RBBP8: variants seen among roughly 807,000 people sequenced by gnomAD.
The protein encoded by RBBP8 is DNA endonuclease RBBP8.
RBBP8 carries 88 observed loss-of-function variants against 108.3 expected under a neutral mutation model. The observed-to-expected ratio is 0.81, with a 90% confidence interval of 0.68 to 0.97. The LOEUF (loss-of-function observed/expected upper bound fraction) is 0.97. RBBP8 is among the 50% of genes least tolerant of loss of function. The pLI is 0.00. For synonymous variants in RBBP8, 332 were observed against 348.2 expected, an observed-to-expected ratio of 0.95 and a Z score of 0.52; for missense variants, 1,023 against 1,049.0, an observed-to-expected ratio of 0.98 and a Z score of 0.34.
At chr18:22,941,944 A>C (rs1291002877) in intron 2 of RBBP8, among the ~76,000 whole-genome samples, 1 of 152,144 alleles carries the variant, frequency 6.6e-6, no homozygotes, top group Non-Finnish European at 1.5e-5. Context: ...TTTTAAGTAG[A>C]TATGTCATTT....
At chr18:23,019,098 C>T (rs1408119120) in intron 17 of RBBP8, among the ~76,000 whole-genome samples, 1 of 152,130 alleles carries the variant, frequency 6.6e-6, no homozygotes, top group Non-Finnish European at 1.5e-5. Flanking sequence ...AAGCAAAAGC[C>T]TATAATGTGA....
intron 3 of RBBP8, among the ~76,000 whole-genome samples, chr18:22,918,785 A>G (rs1358604054): frequency 3.3e-5 from 5 of 152,050 alleles, no homozygotes. Flanking sequence ...ATTTTTTTAA[A>G]AATTTTTTGT....
At position 23,017,464 on chromosome 18, in the gene RBBP8, T is replaced by C. The variant is rs543171498; in HGVS notation, c.2454+540T>C. ...GTAAGGAGATCTAGACCATCCTGGC[T>C]AACATGGTGAAACCCCGTCTCTACT... On this transcript the variant is annotated intron_variant, in intron 17 of 18. Coordinates refer to ENST00000327155, the MANE Select transcript of RBBP8 (RefSeq NM_002894.3). Among the ~76,000 whole-genome samples, 16 of 151,266 alleles carry C rather than the reference T, an allele frequency of 1.1e-4. No homozygotes were observed. The East Asian group carries it at 3.2e-3, about 30-fold the overall frequency.
At chr18:22,975,685 C>CCT (rs1336575628) in intron 6 of RBBP8, among the ~76,000 whole-genome samples, 1 of 151,740 alleles carries the variant, frequency 6.6e-6, no homozygotes, top group Non-Finnish European at 1.5e-5. Flanking sequence ...TGTGCCACTT[C>CCT]CTCTTGTGTT....
chr18:22,954,734 A>C (rs1242187925), intron 4 of RBBP8, among the ~76,000 whole-genome samples: 1 of 152,180 alleles, frequency 6.6e-6, no homozygotes, highest in African/African-American at 2.4e-5. Flanking sequence ...CCTCCCACAC[A>C]GTTCCACATG....
At chr18:22,933,287 T>A (rs893464362), upstream of RBBP8, 3 of 152,068 alleles carry the variant, frequency 2.0e-5, no homozygotes, top group African/African-American at 7.2e-5. Context: ...GCCGCCGCGA[T>A]GGGCAGCTGG....
chr18:22,936,159 T>A (rs185031525), intron 1 of RBBP8, among the ~76,000 whole-genome samples: 1 of 152,312 alleles, frequency 6.6e-6, no homozygotes, highest in African/African-American at 2.4e-5. Flanking sequence ...TGGAATGCAG[T>A]GGCACGATCT....
intron 17 of RBBP8, among the ~76,000 whole-genome samples, chr18:23,021,691 G>A (rs571123697): frequency 2.9e-4 from 44 of 152,130 alleles, no homozygotes; most frequent in Middle Eastern, 6.8e-3. Flanking sequence ...TGAAACACAC[G>A]TTATATTCAA....
At position 23,006,110 on chromosome 18, in the gene RBBP8, C is replaced by T. The variant is rs182454090; in HGVS notation, c.2288-253C>T. On this transcript the variant is annotated intron_variant, in intron 15 of 18. Coordinates refer to ENST00000327155, the MANE Select transcript of RBBP8 (RefSeq NM_002894.3). ...CTGAGGCAAGAGGATGGCGTGAACC[C>T]GGGAGGTGGAGCTTGCAGTGAGCAG... Among the ~76,000 whole-genome samples the T allele has an allele frequency of 4.5e-3, 679 of 151,688 alleles. 2 individuals are homozygous for T. The highest frequency in any genetic ancestry group is 6.8e-3 in the Middle Eastern group (2 of 292).
chr18:22,920,532 C>T (rs1415479468), intron 3 of RBBP8, among the ~76,000 whole-genome samples: 1 of 152,070 alleles, frequency 6.6e-6, no homozygotes, highest in East Asian at 1.9e-4. Flanking sequence ...AAATCTATTC[C>T]CTTGAAAGTT....
chr18:23,017,293 T>TGCA (rs1307982135), intron 17 of RBBP8, among the ~76,000 whole-genome samples: 1 of 149,840 alleles, frequency 6.7e-6, no homozygotes, highest in Non-Finnish European at 1.5e-5. Context: ...AGGTGGAGGT[T>TGCA]GCAGTGAGCC....
At chr18:23,022,602 A>AAAAATAAAT (rs2046364386) in intron 18 of RBBP8, among the ~76,000 whole-genome samples, 1 of 92,380 alleles carries the variant, frequency 1.1e-5, no homozygotes, top group African/African-American at 4.5e-5. Context: ...ACTCTGTCTC[A>AAAAATAAAT]AAAATAAAAT....
At chr18:23,011,872 T>C (rs2046169811) in intron 16 of RBBP8, among the ~76,000 whole-genome samples, 1 of 152,066 alleles carries the variant, frequency 6.6e-6, no homozygotes, top group African/African-American at 2.4e-5. Flanking sequence ...CTCCTCTTCT[T>C]GGGCCTCCCT....
In RBBP8 at chr18:22,955,233, GT is replaced by G. The variant is rs769691369; in HGVS notation, c.248+5521del. ...TAATTCATTAGGTGGTATTAATTTG[GT>G]GGCAGGGAGTCGGGGTGGGATGAGG... On this transcript the variant is annotated intron_variant, in intron 4 of 18. Transcript: ENST00000327155. 2.2e-3 allele frequency among the ~76,000 whole-genome samples: 332 copies of G among 152,130 alleles called. 3 individuals carry two copies. The highest frequency in any genetic ancestry group is 3.1e-3 in the Non-Finnish European group (212 of 67,990).
Position 23,026,056 on chromosome 18 carries a change from T to C in RBBP8, c.2597-87T>C, listed in dbSNP as rs2046445690. 6.7e-6 allele frequency: 7 copies of C among 1,040,434 alleles called. No individual in the cohort carries two copies. In the Middle Eastern group the frequency reaches 6.3e-4, roughly 94 times the overall value. 64.5% of individuals were successfully genotyped at this position (1,040,434 alleles called of 1,614,324 possible). A position where few individuals can be genotyped will look rare whatever the true frequency, so the allele number is the denominator to read the frequency against. On this transcript the variant is annotated intron_variant, in intron 18 of 18. Transcript: ENST00000327155. Reference sequence around the variant, plus strand: ...AAGAATCATGTAAACTTACAAAGCATCAAATAAGAGAAATGTTTACTAGAT... The same window carrying C: ...AAGAATCATGTAAACTTACAAAGCACCAAATAAGAGAAATGTTTACTAGAT...
chr18:22,922,135 C>T (rs1423252098), intron 3 of RBBP8, among the ~76,000 whole-genome samples: 1 of 152,058 alleles, frequency 6.6e-6, no homozygotes, highest in Non-Finnish European at 1.5e-5. Flanking sequence ...AATTTTAAAA[C>T]CGAACAGATA....
At chr18:22,940,753 C>G (rs1911014938) in intron 2 of RBBP8, among the ~76,000 whole-genome samples, 1 of 151,894 alleles carries the variant, frequency 6.6e-6, no homozygotes, top group Non-Finnish European at 1.5e-5. Flanking sequence ...TGCAGGCAAT[C>G]CTTCCGCTTC....
At chr18:22,984,552 G>A (rs1026071418) in intron 7 of RBBP8, among the ~76,000 whole-genome samples, 5 of 152,024 alleles carry the variant, frequency 3.3e-5, no homozygotes, top group African/African-American at 9.7e-5. Flanking sequence ...GCCCAGCCCA[G>A]TATACCTTTT....
At chr18:22,933,208 C>T (rs953268676), upstream of RBBP8, 2 of 152,274 alleles carry the variant, frequency 1.3e-5, no homozygotes, top group Non-Finnish European at 2.9e-5. Context: ...TAGCGCTCCC[C>T]TCCCCAACCA....
Sources: gnomAD v4.1 joint callset for allele counts (sites outside exome capture counted in the v4.1 genomes callset) on GRCh38, gnomAD v4.1.1 for gene constraint, MANE v1.5 for transcripts, NCBI Gene and HGNC (gene_info 2026-07-23, HGNC 2026-07-21) for gene names.